The following BLTP3A variants were observed in gnomAD, a reference collection of about 807,000 sequenced individuals.
The protein encoded by BLTP3A is bridge-like lipid transfer protein family member 3A.
the BLTP3A span, among the ~76,000 whole-genome samples, chr6:34,861,197 C>T: frequency 4.0e-5 from 6 of 151,828 alleles, no homozygotes; most frequent in Non-Finnish European, 7.4e-5. Context: ...GCGATCTCTG[C>T]TCACTGCAGC....
the BLTP3A span, chr6:34,792,387 C>A: frequency 7.8e-7 from 1 of 1,285,012 alleles, no homozygotes; most frequent in Non-Finnish European, 1.0e-6. Flanking sequence ...CCCAGTCTGC[C>A]TCTCTCCAGC....
chr6:34,862,923 T>A, the BLTP3A span, among the ~76,000 whole-genome samples: 6 of 151,870 alleles, frequency 4.0e-5, no homozygotes, highest in East Asian at 7.8e-4. Context: ...TTTTTTTTTT[T>A]ATTGAGATGA....
chr6:34,866,782 A>C, the BLTP3A span, among the ~76,000 whole-genome samples: 1,393 of 152,194 alleles, frequency 9.2e-3, 26 homozygotes, highest in African/African-American at 0.03. Flanking sequence ...ATTCTACTTT[A>C]TTTTTATAAA....
At chr6:34,795,523 A>G in the BLTP3A span, among the ~76,000 whole-genome samples, 1 of 149,566 alleles carries the variant, frequency 6.7e-6, no homozygotes, top group Non-Finnish European at 1.5e-5. Flanking sequence ...TTGCCCTCCC[A>G]AGTAGCTGGG....
the BLTP3A span, among the ~76,000 whole-genome samples, chr6:34,823,638 G>T: frequency 6.6e-6 from 1 of 151,208 alleles, no homozygotes. Context: ...GACCTCCTGG[G>T]CTCAATCAGT....
At chr6:34,800,382 G>A in the BLTP3A span, among the ~76,000 whole-genome samples, 10 of 152,138 alleles carry the variant, frequency 6.6e-5, no homozygotes, top group South Asian at 2.1e-4. Flanking sequence ...CTTTGAAATC[G>A]GAGAGTTTGA....
At chr6:34,829,892 C>T in the BLTP3A span, among the ~76,000 whole-genome samples, 1 of 152,152 alleles carries the variant, frequency 6.6e-6, no homozygotes, top group Non-Finnish European at 1.5e-5. Flanking sequence ...GCAACCTCCA[C>T]CTCCCAGGTT....
chr6:34,856,407 C>A, the BLTP3A span: 2 of 1,613,790 alleles, frequency 1.2e-6, no homozygotes, highest in Non-Finnish European at 1.7e-6. Context: ...CGGAGAAAAG[C>A]AGGTGGGTTA....
chr6:34,858,525 CCT>C, the BLTP3A span: 2 of 1,614,196 alleles, frequency 1.2e-6, no homozygotes, highest in Non-Finnish European at 1.7e-6. Context: ...CCCCCTTCCC[CCT>C]GTCCATTTGG....
the BLTP3A span, chr6:34,872,509 G>A: frequency 3.9e-6 from 6 of 1,522,926 alleles, no homozygotes; most frequent in Non-Finnish European, 5.3e-6. Context: ...AGGACAGAGG[G>A]CACTGTCCAG....
chr6:34,810,553 G>A, the BLTP3A span, among the ~76,000 whole-genome samples: 2 of 152,132 alleles, frequency 1.3e-5, no homozygotes, highest in Non-Finnish European at 2.9e-5. Flanking sequence ...CATGATCATC[G>A]CTCATTGCAA....
chr6:34,852,148 C>CA, the BLTP3A span, among the ~76,000 whole-genome samples: 1 of 152,154 alleles, frequency 6.6e-6, no homozygotes, highest in Non-Finnish European at 1.5e-5. Flanking sequence ...AGCTGCAAGA[C>CA]AAAGTCCCCT....
chr6:34,834,939 G>A, the BLTP3A span: 3 of 1,537,906 alleles, frequency 2.0e-6, no homozygotes, highest in Admixed American at 4.0e-5. Context: ...TTCCCTTATT[G>A]TTTGGAATGT....
chr6:34,819,910 T>C, the BLTP3A span, among the ~76,000 whole-genome samples: 3 of 152,208 alleles, frequency 2.0e-5, no homozygotes, highest in African/African-American at 7.2e-5. Flanking sequence ...ACACTTACAG[T>C]GTAGTTCAGC....
the BLTP3A span, among the ~76,000 whole-genome samples, chr6:34,796,124 T>C: frequency 6.6e-6 from 1 of 152,334 alleles, no homozygotes; most frequent in East Asian, 1.9e-4. Flanking sequence ...AAAGATATAG[T>C]GTATTAAATA....
At chr6:34,849,043 G>A in the BLTP3A span, among the ~76,000 whole-genome samples, 2 of 148,142 alleles carry the variant, frequency 1.4e-5, no homozygotes, top group Admixed American at 1.4e-4. Flanking sequence ...CTGTCACCCA[G>A]GTTGGAGTGA....
At chr6:34,865,600 C>G in the BLTP3A span, among the ~76,000 whole-genome samples, 1 of 152,166 alleles carries the variant, frequency 6.6e-6, no homozygotes, top group Non-Finnish European at 1.5e-5. Context: ...TTTGAGGACC[C>G]TTCATACTGT....
chr6:34,872,504 A>T, the BLTP3A span: 1 of 1,542,610 alleles, frequency 6.5e-7, no homozygotes, highest in Non-Finnish European at 8.7e-7. Flanking sequence ...CACCTAGGAC[A>T]GAGGGCACTG....
the BLTP3A span, among the ~76,000 whole-genome samples, chr6:34,860,776 T>C: frequency 0.38 from 57,952 of 152,046 alleles, 13,587 homozygotes; most frequent in African/African-American, 0.67. Context: ...AGCCTGGACT[T>C]CTAATCACCC....
Sources: allele counts gnomAD v4.1 joint callset (sites outside exome capture counted in the v4.1 genomes callset), GRCh38; gene constraint gnomAD v4.1.1; transcripts MANE v1.5; gene names NCBI Gene and HGNC (gene_info 2026-07-23, HGNC 2026-07-21).